The following PRIM2 variants were observed in gnomAD, a reference collection of about 807,000 sequenced individuals.
PRIM2 encodes the protein DNA primase subunit 2.
A neutral mutation model predicts 67.3 loss-of-function variants in PRIM2; 39 were observed. The observed-to-expected ratio is 0.58, with a 90% confidence interval of 0.45 to 0.76. PRIM2 has a LOEUF of 0.76. Among genes scored for constraint, PRIM2 ranks in the 30% least tolerant of loss-of-function variants. The pLI is 0.00. For missense variants in PRIM2, 398 were observed against 598.7 expected, an observed-to-expected ratio of 0.66 and a Z score of 3.50; for synonymous variants, 143 against 198.7, an observed-to-expected ratio of 0.72 and a Z score of 2.36.
intron 10 of PRIM2, among the ~76,000 whole-genome samples, chr6:57,544,702 A>G (rs1424559060): frequency 6.6e-6 from 1 of 152,146 alleles, no homozygotes; most frequent in African/African-American, 2.4e-5. Context: ...TTGCTTATTT[A>G]TTCATTTATT....
intron 10 of PRIM2, among the ~76,000 whole-genome samples, chr6:57,580,536 G>C (rs1486165338): frequency 6.6e-6 from 1 of 152,184 alleles, no homozygotes; most frequent in Non-Finnish European, 1.5e-5. Flanking sequence ...AGTATGATAA[G>C]ATAAAAGGGA....
chr6:57,490,063 T>G (rs1342259798), intron 7 of PRIM2, among the ~76,000 whole-genome samples: 1 of 151,922 alleles, frequency 6.6e-6, no homozygotes, highest in Non-Finnish European at 1.5e-5. Context: ...TAAAGGCTGA[T>G]GGGGTGAGGA....
chr6:57,366,722 G>A (rs1343113823), intron 5 of PRIM2, among the ~76,000 whole-genome samples: 1 of 152,084 alleles, frequency 6.6e-6, no homozygotes, highest in Non-Finnish European at 1.5e-5. Flanking sequence ...TCTCATTCCT[G>A]GACAAACTGG....
At chr6:57,568,555 T>C (rs1218468854) in intron 10 of PRIM2, among the ~76,000 whole-genome samples, 2 of 152,248 alleles carry the variant, frequency 1.3e-5, no homozygotes, top group African/African-American at 2.4e-5. Context: ...TGAAACACCA[T>C]TGTAGAACAT....
At chr6:57,464,029 G>A (rs34982892) in intron 7 of PRIM2, among the ~76,000 whole-genome samples, 1 of 151,966 alleles carries the variant, frequency 6.6e-6, no homozygotes, top group South Asian at 2.1e-4. Flanking sequence ...TCCCTCAGTC[G>A]AATGCTGTTT....
At chr6:57,455,457 A>G (rs1772733508) in intron 7 of PRIM2, among the ~76,000 whole-genome samples, 1 of 152,056 alleles carries the variant, frequency 6.6e-6, no homozygotes, top group Non-Finnish European at 1.5e-5. Flanking sequence ...TTGCTTTATG[A>G]TTCTGGGTGC....
At chr6:57,320,881 G>A (rs1194495000) in intron 3 of PRIM2, among the ~76,000 whole-genome samples, 4 of 152,126 alleles carry the variant, frequency 2.6e-5, no homozygotes, top group African/African-American at 4.8e-5. Flanking sequence ...AATGTATCCC[G>A]TGCAATACAG....
intron 10 of PRIM2, among the ~76,000 whole-genome samples, chr6:57,566,659 T>C (rs1775749330): frequency 6.6e-6 from 1 of 152,142 alleles, no homozygotes; most frequent in Admixed American, 6.5e-5. Context: ...AGTCAGTCAG[T>C]TGACATCGTA....
chr6:57,472,288 G>T (rs1773354308), intron 7 of PRIM2, among the ~76,000 whole-genome samples: 2 of 152,008 alleles, frequency 1.3e-5, no homozygotes, highest in African/African-American at 4.8e-5. Context: ...AAATTACCTG[G>T]GCGTGGTGGT....
chr6:57,351,058 C>T lies in PRIM2; in HGVS notation c.459+25013C>T, dbSNP rs1768842063. On this transcript the variant is annotated intron_variant, in intron 5 of 13. Transcript: ENST00000615550. Reference sequence around the variant, plus strand: ...TAATCTAGTATGATGAAGAGAACTGCAACAGCTGAGTAAATAAAGGATTGG... The same window carrying T: ...TAATCTAGTATGATGAAGAGAACTGTAACAGCTGAGTAAATAAAGGATTGG... 2.0e-5 allele frequency among the ~76,000 whole-genome samples: 3 copies of T among 150,210 alleles called. No individual in the cohort carries two copies. The South Asian group carries it at 6.4e-4, about 32-fold the overall frequency.
At chr6:57,299,974 C>T in the PRIM2 span, among the ~76,000 whole-genome samples, 2 of 152,164 alleles carry the variant, frequency 1.3e-5, no homozygotes, top group African/African-American at 2.4e-5. Context: ...GAAGGATTGA[C>T]GTTCTTTGTC....
the PRIM2 span, among the ~76,000 whole-genome samples, chr6:57,303,783 TTTTG>T: frequency 3.9e-5 from 6 of 152,070 alleles, no homozygotes; most frequent in Admixed American, 1.3e-4. Flanking sequence ...GCCCAGCTAG[TTTTG>T]TTTGTTTGTT....
intron 7 of PRIM2, among the ~76,000 whole-genome samples, chr6:57,389,531 A>G (rs538928780): frequency 8.5e-5 from 13 of 152,292 alleles, no homozygotes; most frequent in African/African-American, 3.1e-4. Flanking sequence ...AGAAAAAAGG[A>G]CTGAGAAGTT....
intron 7 of PRIM2, among the ~76,000 whole-genome samples, chr6:57,429,549 C>T (rs1421237045): frequency 2.1e-5 from 3 of 144,298 alleles, no homozygotes; most frequent in East Asian, 1.9e-4. Context: ...TGAATTGTGG[C>T]CCCCCAACAT....
At chr6:57,610,091 C>T (rs1201835501) in intron 12 of PRIM2, among the ~76,000 whole-genome samples, 23 of 152,068 alleles carry the variant, frequency 1.5e-4, no homozygotes, top group Non-Finnish European at 2.9e-4. Context: ...TTTTTGGAGA[C>T]AGAGTCTTGC....
chr6:57,278,642 T>TA, the PRIM2 span, among the ~76,000 whole-genome samples: 1 of 152,174 alleles, frequency 6.6e-6, no homozygotes. Flanking sequence ...CACAATATAA[T>TA]ACACAATCAG....
intron 7 of PRIM2, among the ~76,000 whole-genome samples, chr6:57,388,925 CA>C (rs112589633): frequency 0.023 from 3,429 of 152,120 alleles, 114 homozygotes; most frequent in South Asian, 0.071. Flanking sequence ...TGTGGGATGT[CA>C]GTGGAGAAGA....
chr6:57,446,418 C>CTTTTTCTTTTT (rs1772367078), intron 7 of PRIM2, among the ~76,000 whole-genome samples: 1 of 83,814 alleles, frequency 1.2e-5, no homozygotes, highest in African/African-American at 4.9e-5. Flanking sequence ...CACGCCACTT[C>CTTTTTCTTTTT]TTTTTTTTTT....
At chr6:57,350,163 C>T (rs1768814427) in intron 5 of PRIM2, among the ~76,000 whole-genome samples, 2 of 152,064 alleles carry the variant, frequency 1.3e-5, no homozygotes, top group Non-Finnish European at 2.9e-5. Context: ...TGGGGATATT[C>T]AGTTCTTTCT....
Sources: gnomAD v4.1 joint callset for allele counts (sites outside exome capture counted in the v4.1 genomes callset) on GRCh38, gnomAD v4.1.1 for gene constraint, MANE v1.5 for transcripts, NCBI Gene and HGNC (gene_info 2026-07-23, HGNC 2026-07-21) for gene names.